PATJ: variants seen among roughly 807,000 people sequenced by gnomAD.
PATJ encodes the protein PATJ crumbs cell polarity complex component.
In PATJ, 190 loss-of-function variants were observed where a neutral mutation model predicts 224.9. That is an observed-to-expected ratio of 0.84 (90% CI 0.75 to 0.95). The LOEUF (loss-of-function observed/expected upper bound fraction) is 0.95. Ranked by LOEUF, PATJ falls within the 40% of genes least tolerant of loss-of-function variation. PATJ has a pLI of 0.00. For synonymous variants in PATJ, 769 were observed against 820.3 expected, an observed-to-expected ratio of 0.94 and a Z score of 1.07; for missense variants, 2,121 against 2,270.3, an observed-to-expected ratio of 0.93 and a Z score of 1.34.
chr1:61,827,922 C>T (rs1570745859), intron 16 of PATJ, among the ~76,000 whole-genome samples: 1 of 152,070 alleles, frequency 6.6e-6, no homozygotes, highest in Non-Finnish European at 1.5e-5. Flanking sequence ...TGTTGCATAT[C>T]TAATGTACTC....
chr1:61,752,138 C>CAAAAA (rs33975795), intron 1 of PATJ, among the ~76,000 whole-genome samples: 2 of 117,922 alleles, frequency 1.7e-5, no homozygotes, highest in African/African-American at 6.5e-5. Flanking sequence ...AACATCATCT[C>CAAAAA]AAAAAAAAAA....
chr1:61,902,859 G>A (rs1671376869), intron 24 of PATJ, among the ~76,000 whole-genome samples: 1 of 152,114 alleles, frequency 6.6e-6, no homozygotes, highest in African/African-American at 2.4e-5. Context: ...TAATAACTTT[G>A]TTATGGAAGA....
intron 38 of PATJ, among the ~76,000 whole-genome samples, chr1:62,121,922 G>T (rs1039737137): frequency 6.6e-6 from 1 of 151,820 alleles, no homozygotes; most frequent in African/African-American, 2.4e-5. Flanking sequence ...TCAGAAGTGT[G>T]TATACCTTCT....
At chr1:61,950,196 T>C (rs1210439323) in intron 27 of PATJ, among the ~76,000 whole-genome samples, 1 of 152,156 alleles carries the variant, frequency 6.6e-6, no homozygotes, top group Non-Finnish European at 1.5e-5. Flanking sequence ...AGAGCGAGAC[T>C]CCACCTAAAA....
chr1:61,944,770 A>G (rs988285876), intron 27 of PATJ, among the ~76,000 whole-genome samples: 4 of 152,144 alleles, frequency 2.6e-5, no homozygotes, highest in Admixed American at 6.5e-5. Context: ...AAGACACAAA[A>G]TTGTCAGATT....
chr1:61,776,507 A>G (rs552112226), intron 7 of PATJ, among the ~76,000 whole-genome samples: 1 of 152,364 alleles, frequency 6.6e-6, no homozygotes, highest in Non-Finnish European at 1.5e-5. Flanking sequence ...AAGATGCAGT[A>G]AAATGATTAA....
intron 27 of PATJ, among the ~76,000 whole-genome samples, chr1:61,966,171 A>T (rs1485839639): frequency 2.7e-5 from 4 of 150,190 alleles, no homozygotes. Flanking sequence ...AAGTGCTGGG[A>T]TTACAGGCGT....
chr1:61,768,337 G>A (rs1646407438), intron 4 of PATJ, among the ~76,000 whole-genome samples: 1 of 152,026 alleles, frequency 6.6e-6, no homozygotes, highest in Non-Finnish European at 1.5e-5. Context: ...AGGCGTGGTG[G>A]CTGGCGCCTG....
intron 27 of PATJ, among the ~76,000 whole-genome samples, chr1:61,959,331 T>C (rs1680887349): frequency 6.6e-6 from 1 of 150,704 alleles, no homozygotes; most frequent in Non-Finnish European, 1.5e-5. Flanking sequence ...AGAAAGAAAA[T>C]TAAATAGATA....
Position 61,777,703 on chromosome 1 carries a change from C to CTTT in PATJ, c.849+2391_849+2393dup, listed in dbSNP as rs66470863. Among the ~76,000 whole-genome samples, 374 of 48,682 alleles carry CTTT rather than the reference C, an allele frequency of 7.7e-3. 16 individuals carry two copies. Among genetic ancestry groups the CTTT allele is most frequent in the African/African-American group, 0.024 (228 of 9,374 alleles). The allele number at this position is 48,682 out of a possible 152,430, so 31.9% of individuals were successfully genotyped here. On this transcript the variant is annotated intron_variant, in intron 7 of 43. Transcript: ENST00000642238. Reference sequence around the variant, plus strand: ...TTCTTCCTTTTTTCTTTCTTTCTTTCTTTTTTTTTTTTTTTTTTTTTTTTA... The same window carrying CTTT: ...TTCTTCCTTTTTTCTTTCTTTCTTTCTTTTTTTTTTTTTTTTTTTTTTTTTTTA...
At chr1:62,114,506 C>A in intron 35 of PATJ, 1 of 326,310 alleles carries the variant, frequency 3.1e-6, no homozygotes, top group African/African-American at 2.2e-5. Flanking sequence ...AAGGTTCTTT[C>A]ACTTGGAATT....
chr1:61,776,976 T>C (rs140820645), intron 7 of PATJ, among the ~76,000 whole-genome samples: 5,118 of 152,108 alleles, frequency 0.034, 130 homozygotes, highest in Non-Finnish European at 0.053. Flanking sequence ...CCGCCCGCCT[T>C]AGCCTCCCAA....
chr1:62,014,562 C>CTTTTTT (rs35711547), intron 28 of PATJ, among the ~76,000 whole-genome samples: 52 of 84,546 alleles, frequency 6.2e-4, no homozygotes, highest in African/African-American at 2.0e-3. Context: ...CTTTTCTTTC[C>CTTTTTT]TTTTTTTTTT....
chr1:61,848,788 T>C lies in PATJ; in HGVS notation c.2113-7242T>C, dbSNP rs1662368327. On this transcript the variant is annotated intron_variant, in intron 17 of 43. Transcript: ENST00000642238. ...CTTGAGATGTTGCTTTGAAGATTAA[T>C]TTAGCTGTTAATTAATTTAGATTTT... Among the ~76,000 whole-genome samples the C allele has an allele frequency of 3.3e-5, 5 of 152,332 alleles. 1 individual carries two copies. The South Asian group carries it at 1.0e-3, about 32-fold the overall frequency.
At chr1:62,061,785 G>A (rs1431406848) in intron 31 of PATJ, among the ~76,000 whole-genome samples, 3 of 151,910 alleles carry the variant, frequency 2.0e-5, no homozygotes, top group Non-Finnish European at 2.9e-5. Context: ...TCAGCCTCCC[G>A]AGTAGCTGGG....
At chr1:61,950,311 G>A (rs756552589) in intron 27 of PATJ, among the ~76,000 whole-genome samples, 12 of 152,128 alleles carry the variant, frequency 7.9e-5, no homozygotes, top group Non-Finnish European at 1.2e-4. Context: ...CTAATTTTAC[G>A]TTGAGGAGGC....
rs1252000354 is a variant in PATJ, at chr1:62,148,284, G to C, written c.5272G>C (p.Val1758Leu). ...KNAYGRIILQ[V>L]VADTNISAIA... ...TACCTTTTTTTCACTTTTTCCCCAGGTTGTAGCAGATACCAATATAAGCGC... is the reference window on the plus strand; with the variant it reads ...TACCTTTTTTTCACTTTTTCCCCAGCTTGTAGCAGATACCAATATAAGCGC... The change falls in exon 42 of 44, where the codon GTT (valine) becomes CTT (leucine). Residue 1758 changes from valine to leucine, a missense_variant and splice_region_variant. By Grantham distance (32) the Val-to-Leu change is conservative (BLOSUM62 1). Coordinates refer to ENST00000642238, the MANE Select transcript of PATJ (RefSeq NM_001350145.3). 2.5e-6 allele frequency: 4 copies of C among 1,609,990 alleles called. No individual in the cohort carries two copies. The Admixed American group carries it at 5.0e-5, about 20-fold the overall frequency.
chr1:62,066,905 A>T (rs1656548063), intron 31 of PATJ, among the ~76,000 whole-genome samples: 1 of 152,072 alleles, frequency 6.6e-6, no homozygotes, highest in Non-Finnish European at 1.5e-5. Flanking sequence ...GTGGGGCCAC[A>T]GGATCAGTTG....
chr1:62,051,363 G>GTGGCTGGAGCA lies in PATJ; in HGVS notation c.4125+305_4125+306insTGGCTGGAGCA, dbSNP rs1558097065. 1.4e-3 allele frequency among the ~76,000 whole-genome samples: 208 copies of GTGGCTGGAGCA among 152,138 alleles called. 2 individuals carry two copies. The highest frequency in any genetic ancestry group is 4.8e-3 in the African/African-American group (200 of 41,468). Reference sequence around the variant, plus strand: ...CTCACTCTGTCGCCCAGGCTGGAGCGCAGTGGCTGGAGCACAGTGGTGCAA... The same window carrying GTGGCTGGAGCA: ...CTCACTCTGTCGCCCAGGCTGGAGCGTGGCTGGAGCACAGTGGCTGGAGCACAGTGGTGCAA... On this transcript the variant is annotated intron_variant, in intron 31 of 43. Coordinates refer to ENST00000642238, the MANE Select transcript of PATJ (RefSeq NM_001350145.3).
Sources: allele counts gnomAD v4.1 joint callset (sites outside exome capture counted in the v4.1 genomes callset), GRCh38; gene constraint gnomAD v4.1.1; transcripts MANE v1.5; gene names NCBI Gene and HGNC (gene_info 2026-07-23, HGNC 2026-07-21).